Variants in ZNF536 observed in about 807,000 individuals in gnomAD.
ZNF536 encodes zinc finger protein 536.
In ZNF536, 13 loss-of-function variants were observed where a neutral mutation model predicts 84.5. The observed-to-expected ratio is 0.15, with a 90% confidence interval of 0.10 to 0.24. The LOEUF (loss-of-function observed/expected upper bound fraction) is 0.24, where lower values mean the gene tolerates loss of function less well. Among genes scored for constraint, ZNF536 ranks in the 10% least tolerant of loss-of-function variants. The pLI is 1.00. For synonymous variants in ZNF536, 811 were observed against 742.5 expected (o/e 1.09, Z -1.50); for missense variants, 1,536 against 1,747.5 (o/e 0.88, Z 2.16).
rs767548661 is a variant in ZNF536, at chr19:30,548,307, C to A, written c.2688C>A (p.His896Gln). The A allele has an allele frequency of 1.2e-6, 2 of 1,614,274 alleles. No homozygotes were observed. The highest frequency in any genetic ancestry group is 1.7e-5 in the Admixed American group (1 of 60,038). ...KGTDLPSKST[H>Q]FSEIGRAYQS... ...CTGACCTTCCTTCCAAAAGCACCCACTTCTCTGAGATCGGAAGAGCTTATC... is the reference window on the plus strand; with the variant it reads ...CTGACCTTCCTTCCAAAAGCACCCAATTCTCTGAGATCGGAAGAGCTTATC... Residue 896 changes from histidine (H) to glutamine (Q), a missense_variant, in exon 4 of 5, where the codon CAC becomes CAA. Physicochemically the swap from His to Gln is conservative, Grantham distance 24. Coordinates refer to ENST00000355537, the MANE Select transcript of ZNF536 (RefSeq NM_014717.3).
At chr19:30,357,655 A>G (rs1170229417) in intron 3 of ZNF536, among the ~76,000 whole-genome samples, 1 of 152,178 alleles carries the variant, frequency 6.6e-6, no homozygotes, top group Non-Finnish European at 1.5e-5. Flanking sequence ...GATGGACAGC[A>G]GCACTGGGGA....
chr19:30,281,457 G>C (rs1048836998), intron 1 of ZNF536, among the ~76,000 whole-genome samples: 3 of 152,150 alleles, frequency 2.0e-5, no homozygotes, highest in Admixed American at 1.3e-4. Context: ...CCCTCTCCTG[G>C]TGCCCTGCCT....
chr19:30,639,738 C>T (rs564713054), intron 1 of ZNF536, among the ~76,000 whole-genome samples: 159 of 152,310 alleles, frequency 1.0e-3, no homozygotes, highest in African/African-American at 3.8e-3. Flanking sequence ...GCCCTAGATT[C>T]TGGTGTTTAT....
exon 2 of ZNF536, chr19:30,713,275 T>C (rs1351195376): frequency 6.6e-6 from 1 of 152,216 alleles, no homozygotes; most frequent in Non-Finnish European, 1.5e-5. Flanking sequence ...CAGGTTCTCA[T>C]ATCTAAACAT....
At chr19:30,450,352 C>T (rs903909476) in intron 2 of ZNF536, among the ~76,000 whole-genome samples, 9 of 152,066 alleles carry the variant, frequency 5.9e-5, no homozygotes, top group South Asian at 2.1e-4. Flanking sequence ...GCTGCAGAGC[C>T]GAAGACAGTC....
chr19:30,700,213 C>CTTTCTTTCTTTCTTTCT (rs1452244836), intron 1 of ZNF536, among the ~76,000 whole-genome samples: 17 of 102,668 alleles, frequency 1.7e-4, no homozygotes, highest in African/African-American at 4.6e-4. Flanking sequence ...TCTTTCTTTC[C>CTTTCTTTCTTTCTTTCT]TTCTTTCTTT....
Position 30,250,010 on chromosome 19 carries a change from T to C in ZNF536, c.-190+21337T>C, listed in dbSNP as rs985497988. Among the ~76,000 whole-genome samples the C allele has an allele frequency of 3.3e-5, 5 of 152,318 alleles. No homozygotes were observed. The East Asian group carries it at 9.7e-4, about 29-fold the overall frequency. ...ATGTAAGAACATGTTTTCTATTGATTTTTAAAAGCAATTCAGGACCCAACT... is the reference window on the plus strand; with the variant it reads ...ATGTAAGAACATGTTTTCTATTGATCTTTAAAAGCAATTCAGGACCCAACT... On this transcript the variant is annotated intron_variant, in intron 1 of 5. Transcript: ENST00000585628.
intron 1 of ZNF536, among the ~76,000 whole-genome samples, chr19:30,650,028 G>A (rs796796348): frequency 4.6e-5 from 7 of 152,274 alleles, no homozygotes; most frequent in African/African-American, 1.4e-4. Flanking sequence ...TGTTAGACAC[G>A]TAATGGAGTC....
chr19:30,569,142 A>G (rs1280306237), intron 1 of ZNF536, among the ~76,000 whole-genome samples: 3 of 152,208 alleles, frequency 2.0e-5, no homozygotes, highest in Non-Finnish European at 4.4e-5. Context: ...AATTTTTCTA[A>G]GCCTAGTGTG....
intron 2 of ZNF536, among the ~76,000 whole-genome samples, chr19:30,458,791 G>A (rs1008382192): frequency 7.9e-5 from 12 of 152,138 alleles, no homozygotes; most frequent in South Asian, 2.1e-4. Context: ...TCATCGTGTC[G>A]TCTCTGAGGG....
intron 1 of ZNF536, among the ~76,000 whole-genome samples, chr19:30,648,869 G>A (rs140551754): frequency 1.2e-3 from 186 of 152,316 alleles, no homozygotes; most frequent in Non-Finnish European, 2.2e-3. Context: ...CTGATTTTCT[G>A]GTGCAGACCT....
chr19:30,432,250 G>A (rs1165424486), intron 1 of ZNF536, among the ~76,000 whole-genome samples: 4 of 152,128 alleles, frequency 2.6e-5, no homozygotes, highest in Non-Finnish European at 5.9e-5. Flanking sequence ...GTCCGTGGAT[G>A]TGACACCGTG....
At chr19:30,461,819 T>C (rs2053151124) in intron 2 of ZNF536, among the ~76,000 whole-genome samples, 1 of 152,202 alleles carries the variant, frequency 6.6e-6, no homozygotes. Context: ...GGAGATGGCC[T>C]GCATGTGTGG....
chr19:30,252,980 A>C (rs950265109), intron 1 of ZNF536, among the ~76,000 whole-genome samples: 3 of 152,228 alleles, frequency 2.0e-5, no homozygotes, highest in South Asian at 2.1e-4. Context: ...CGAAATGCTG[A>C]TGATGATGGT....
At chr19:30,550,958 A>G (rs2045754396) in intron 4 of ZNF536, among the ~76,000 whole-genome samples, 1 of 152,164 alleles carries the variant, frequency 6.6e-6, no homozygotes, top group Non-Finnish European at 1.5e-5. Flanking sequence ...TTACTTTTGA[A>G]GCTGTTAAAA....
At chr19:30,636,429 G>T (rs752504912) in intron 1 of ZNF536, among the ~76,000 whole-genome samples, 17 of 152,116 alleles carry the variant, frequency 1.1e-4, no homozygotes, top group Admixed American at 6.5e-4. Context: ...ATGGATAAAA[G>T]AAAAATATTG....
At chr19:30,559,748 T>C (rs1438105883), downstream of ZNF536, among the ~76,000 whole-genome samples, 2 of 152,092 alleles carry the variant, frequency 1.3e-5, no homozygotes, top group South Asian at 2.1e-4. Flanking sequence ...TTCCCAGCCC[T>C]TTGCATTGAC....
chr19:30,268,523 C>T (rs934883570), intron 1 of ZNF536, among the ~76,000 whole-genome samples: 2 of 152,118 alleles, frequency 1.3e-5, no homozygotes, highest in African/African-American at 4.8e-5. Flanking sequence ...TCTCTAGAGC[C>T]CTGACATTTG....
upstream of ZNF536, among the ~76,000 whole-genome samples, chr19:30,370,997 T>C (rs1251072389): frequency 6.6e-6 from 1 of 152,218 alleles, no homozygotes; most frequent in East Asian, 1.9e-4. Context: ...ATGGTATTGA[T>C]TGTGGTAAAG....
Sources: gnomAD v4.1 joint callset for allele counts (sites outside exome capture counted in the v4.1 genomes callset) on GRCh38, gnomAD v4.1.1 for gene constraint, MANE v1.5 for transcripts, NCBI Gene and HGNC (gene_info 2026-07-23, HGNC 2026-07-21) for gene names.